MYEF2: variants seen among roughly 807,000 people sequenced by gnomAD.
MYEF2 encodes myelin expression factor 2, also known as myelin gene expression factor 2.
Under a neutral mutation model 75.2 loss-of-function variants are expected in MYEF2, and 37 were observed. The observed-to-expected ratio is 0.49, with a 90% CI of 0.38 to 0.65. MYEF2 has a LOEUF of 0.65. Ranked by LOEUF, MYEF2 falls within the 30% of genes least tolerant of loss-of-function variation. The probability of loss-of-function intolerance (pLI) is 0.00; values close to 1 mark genes in which losing one functional copy is unlikely to be tolerated. For synonymous variants in MYEF2, 195 were observed against 241.6 expected (o/e 0.81, Z 1.79); for missense variants, 634 against 771.4 (o/e 0.82, Z 2.11).
Position 48,158,055 on chromosome 15 carries a change from T to A in MYEF2, c.923A>T (p.Asp308Val). The A allele has an allele frequency of 1.9e-6, 3 of 1,613,094 alleles. No homozygotes were observed. The highest frequency in any genetic ancestry group is 2.5e-6 in the Non-Finnish European group (3 of 1,179,368). ...LFDRPMHVKMDDKSVPHEEYR... is the reference protein window; with the variant it reads ...LFDRPMHVKMVDKSVPHEEYR... ...CTCTTCATGAGGAACAGACTTGTCA[T>A]CCTAATTGCAAGAAAGTTTATAATA... The change falls in exon 9 of 17, where the codon GAT becomes GTT. Residue 308 changes from aspartate to valine, a missense_variant and splice_region_variant. Transcript: ENST00000324324.
chr15:48,141,043 T>C lies in MYEF2; in HGVS notation c.*1865A>G, dbSNP rs2039062860. On this transcript the variant is annotated 3_prime_UTR_variant, in exon 17 of 17. Coordinates refer to ENST00000324324, the MANE Select transcript of MYEF2 (RefSeq NM_016132.5). ...TTTATTTTTGTTCACGAAGGAAATA[T>C]CCAAAATAACTGCAAAGGATGGTTA... 1.6e-6 allele frequency: 2 copies of C among 1,273,344 alleles called. No homozygotes were observed. Among genetic ancestry groups the C allele is most frequent in the African/African-American group, 1.5e-5 (1 of 67,080 alleles). The allele number at this position is 1,273,344 out of a possible 1,614,324, so 78.9% of individuals were successfully genotyped here.
intron 14 of MYEF2, among the ~76,000 whole-genome samples, chr15:48,150,814 T>C (rs1296222049): frequency 6.6e-6 from 1 of 152,078 alleles, no homozygotes; most frequent in Admixed American, 6.6e-5. Flanking sequence ...TCCTGAAACA[T>C]GATCAGAGAA....
Position 48,169,599 on chromosome 15 carries a change from A to ATT in MYEF2, c.162-762_162-761dup, listed in dbSNP as rs11341438. On this transcript the variant is annotated intron_variant, in intron 1 of 16. Transcript: ENST00000324324. Reference sequence around the variant, plus strand: ...CGTAAGCCAAAATTTTATAAACCTGATTTTTTTTTTTTTTTTGAGACGGAG... The same window carrying ATT: ...CGTAAGCCAAAATTTTATAAACCTGATTTTTTTTTTTTTTTTTTGAGACGGAG... Among the ~76,000 whole-genome samples, 158 of 137,310 alleles carry ATT rather than the reference A, an allele frequency of 1.2e-3. 1 individual carries two copies. The highest frequency in any genetic ancestry group is 4.1e-3 in the African/African-American group (155 of 38,112). The allele number at this position is 137,310 out of a possible 152,430, so 90.1% of individuals were successfully genotyped here.
At position 48,149,213 on chromosome 15, in the gene MYEF2, C is replaced by T. The variant is rs756119377; in HGVS notation, c.1537G>A (p.Gly513Arg). The change falls in exon 15 of 17, where the codon GGA (glycine) becomes AGA (arginine). Residue 513 changes from glycine (G) to arginine (R), a missense_variant. Transcript: ENST00000324324. This position sits in a 1 kb window ranked among gnomAD's most constrained non-coding sequence, Gnocchi z 4.0. ...TTGGAGCCTATTCTCTCTCTCATTC[C>T]GCTTCCCATTGGACCCGATAAAAAT... ...RGFLSGPMGSGMRERIGSKGN... is the reference protein window; with the variant it reads ...RGFLSGPMGSRMRERIGSKGN... 33 of 1,613,266 alleles carry T rather than the reference C, an allele frequency of 2.0e-5. No individual in the cohort carries two copies. In the Admixed American group the frequency reaches 2.5e-4, roughly 12 times the overall value.
intron 1 of MYEF2, among the ~76,000 whole-genome samples, chr15:48,171,372 T>C (rs182915230): frequency 6.5e-4 from 99 of 152,312 alleles, no homozygotes; most frequent in Non-Finnish European, 9.8e-4. Context: ...CAATGTTCTA[T>C]TCTTGACTTA....
chr15:48,142,530 A>G lies in MYEF2; in HGVS notation c.*378T>C. ...TCTGAGCCCTTTCTTTTCATGAAAA[A>G]TTACATATTATAAAACAGAAGTTTG... On this transcript the variant is annotated 3_prime_UTR_variant, in exon 17 of 17. Transcript: ENST00000324324. 1 of 525,190 alleles carries G rather than the reference A, an allele frequency of 1.9e-6. No homozygotes were observed. The highest frequency in any genetic ancestry group is 3.2e-5 in the East Asian group (1 of 31,666). 32.5% of individuals were successfully genotyped at this position (525,190 alleles called of 1,614,324 possible). A position where few individuals can be genotyped will look rare whatever the true frequency, so the allele number is the denominator to read the frequency against.
Sources: allele counts gnomAD v4.1 joint callset (sites outside exome capture counted in the v4.1 genomes callset), GRCh38; gene constraint gnomAD v4.1.1; non-coding constraint Gnocchi (gnomAD v3.1); transcripts MANE v1.5; gene names NCBI Gene and HGNC (gene_info 2026-07-23, HGNC 2026-07-21).